AGBL4: variants seen among roughly 807,000 people sequenced by gnomAD.
The protein encoded by AGBL4 is AGBL carboxypeptidase 4.
In AGBL4, 58 loss-of-function variants were observed where a neutral mutation model predicts 66.4. The observed-to-expected ratio is 0.87, with a 90% confidence interval of 0.71 to 1.09. The LOEUF (loss-of-function observed/expected upper bound fraction) is 1.09. Ranked by LOEUF, AGBL4 falls within the 50% of genes least tolerant of loss-of-function variation. The pLI, the probability that AGBL4 is intolerant of heterozygous loss-of-function variation, is 0.00. For synonymous variants in AGBL4, 234 were observed against 222.9 expected, an observed-to-expected ratio of 1.05 and a Z score of -0.44; for missense variants, 579 against 631.0, an observed-to-expected ratio of 0.92 and a Z score of 0.88.
At chr1:49,136,357 T>C (rs1646011124) in intron 4 of AGBL4, among the ~76,000 whole-genome samples, 1 of 152,196 alleles carries the variant, frequency 6.6e-6, no homozygotes, top group African/African-American at 2.4e-5. Flanking sequence ...ACAAGGAATG[T>C]GTTCAAGAGA....
chr1:49,516,929 G>A (rs1649874506), intron 3 of AGBL4, among the ~76,000 whole-genome samples: 1 of 151,968 alleles, frequency 6.6e-6, no homozygotes, highest in African/African-American at 2.4e-5. Context: ...GCTCAAGCTT[G>A]TTTCATATAA....
intron 6 of AGBL4, among the ~76,000 whole-genome samples, chr1:48,733,991 A>G (rs1280925430): frequency 6.6e-5 from 10 of 152,122 alleles, no homozygotes; most frequent in Admixed American, 2.6e-4. Context: ...GGCACCCAGG[A>G]CCTCCTGAGT....
At chr1:49,797,888 T>C (rs971287904) in intron 2 of AGBL4, among the ~76,000 whole-genome samples, 5 of 152,070 alleles carry the variant, frequency 3.3e-5, no homozygotes, top group African/African-American at 1.2e-4. Context: ...CTCAGCCTCC[T>C]GAATAGCTGG....
rs552881203 is a variant in AGBL4 at position 49,306,931 on chromosome 1, G to A, written c.283-61067C>T. Among the ~76,000 whole-genome samples the A allele has an allele frequency of 2.8e-3, 424 of 152,212 alleles. 2 individuals carry two copies. The highest frequency in any genetic ancestry group is 4.1e-3 in the Non-Finnish European group (281 of 67,998). ...TGCCCATTTCAGATGAGAAAGTGGA[G>A]GCTAAGAAAGTTTAGATCACTTGCA... On this transcript the variant is annotated intron_variant, in intron 3 of 13. Transcript: ENST00000371839.
intron 3 of AGBL4, among the ~76,000 whole-genome samples, chr1:49,637,216 A>G (rs1311441209): frequency 6.6e-6 from 1 of 152,180 alleles, no homozygotes; most frequent in Non-Finnish European, 1.5e-5. Context: ...TCTCCTTTAA[A>G]TATATATGTC....
chr1:49,525,200 T>A (rs1650562846), intron 3 of AGBL4, among the ~76,000 whole-genome samples: 1 of 152,074 alleles, frequency 6.6e-6, no homozygotes, highest in Admixed American at 6.5e-5. Context: ...CTGGAGTTTA[T>A]ATTGTATTGG....
In AGBL4 at chr1:49,080,091, T is replaced by C. The variant is rs533489747; in HGVS notation, c.378-34291A>G. Among the ~76,000 whole-genome samples the C allele has an allele frequency of 8.5e-5, 13 of 152,346 alleles. No homozygotes were observed. In the South Asian group the frequency reaches 2.7e-3, roughly 32 times the overall value. On this transcript the variant is annotated intron_variant, in intron 4 of 13. Coordinates refer to ENST00000371839, the MANE Select transcript of AGBL4 (RefSeq NM_032785.4). ...CCCCAATTAAAGTCTAGAGAGATGATAGGACTTGCCTAAATCTTAATTTGA... is the reference window on the plus strand; with the variant it reads ...CCCCAATTAAAGTCTAGAGAGATGACAGGACTTGCCTAAATCTTAATTTGA...
At chr1:49,331,482 G>C (rs1169292377) in intron 3 of AGBL4, among the ~76,000 whole-genome samples, 1 of 152,106 alleles carries the variant, frequency 6.6e-6, no homozygotes, top group Non-Finnish European at 1.5e-5. Context: ...AGTCCAAATA[G>C]TACAGAAGAA....
intron 2 of AGBL4, among the ~76,000 whole-genome samples, chr1:49,753,938 T>G (rs537851099): frequency 6.6e-6 from 1 of 152,352 alleles, no homozygotes; most frequent in South Asian, 2.1e-4. Flanking sequence ...TATGTTCTTC[T>G]CTAAACTGGT....
chr1:49,783,654 C>A (rs958028801), intron 2 of AGBL4, among the ~76,000 whole-genome samples: 5 of 151,610 alleles, frequency 3.3e-5, no homozygotes, highest in African/African-American at 9.7e-5. Context: ...CTAACCAGGG[C>A]AAATAGGCAA....
intron 3 of AGBL4, among the ~76,000 whole-genome samples, chr1:49,393,424 C>A (rs1399224235): frequency 1.3e-5 from 2 of 152,076 alleles, no homozygotes; most frequent in Non-Finnish European, 2.9e-5. Context: ...ATTGTTATGT[C>A]ACCAATATTT....
chr1:49,810,850 A>G (rs1645084335), intron 2 of AGBL4, among the ~76,000 whole-genome samples: 1 of 152,168 alleles, frequency 6.6e-6, no homozygotes, highest in Non-Finnish European at 1.5e-5. Flanking sequence ...AAAAACATAT[A>G]CAACATATTG....
chr1:49,549,206 G>A (rs1305683340), intron 3 of AGBL4, among the ~76,000 whole-genome samples: 5 of 149,676 alleles, frequency 3.3e-5, no homozygotes, highest in African/African-American at 1.2e-4. Context: ...CTTGCTAATG[G>A]TCTATCAATT....
chr1:50,011,419 C>T (rs1205613656), intron 1 of AGBL4, among the ~76,000 whole-genome samples: 1 of 152,122 alleles, frequency 6.6e-6, no homozygotes, highest in African/African-American at 2.4e-5. Flanking sequence ...AGGGAACCCT[C>T]GTATACTGCT....
At chr1:49,193,614 G>A (rs1406870090) in intron 4 of AGBL4, among the ~76,000 whole-genome samples, 5 of 151,324 alleles carry the variant, frequency 3.3e-5, no homozygotes, top group Non-Finnish European at 7.4e-5. Context: ...TGCAAGCTCC[G>A]CCTCTGGGGT....
At chr1:49,204,413 C>T (rs1042408781) in intron 4 of AGBL4, among the ~76,000 whole-genome samples, 8 of 151,408 alleles carry the variant, frequency 5.3e-5, no homozygotes, top group South Asian at 4.2e-4. Flanking sequence ...TGGGACTATA[C>T]ACATGCAGCA....
intron 6 of AGBL4, chr1:48,761,564 T>C (rs1016757467): frequency 2.3e-5 from 30 of 1,313,674 alleles, no homozygotes; most frequent in East Asian, 1.0e-4. Flanking sequence ...TAGAAAATAA[T>C]TGAGGCCAGA....
intron 3 of AGBL4, among the ~76,000 whole-genome samples, chr1:49,265,888 G>A (rs537634944): frequency 1.4e-4 from 21 of 152,080 alleles, no homozygotes; most frequent in Non-Finnish European, 2.9e-4. Context: ...AGGATATAGA[G>A]AGACAGATCA....
intron 4 of AGBL4, among the ~76,000 whole-genome samples, chr1:49,078,075 G>A (rs1324657235): frequency 6.6e-6 from 1 of 152,172 alleles, no homozygotes; most frequent in East Asian, 1.9e-4. Context: ...AAATCCTGAT[G>A]TGTCTGACTC....
Sources: allele counts gnomAD v4.1 joint callset (sites outside exome capture counted in the v4.1 genomes callset), GRCh38; gene constraint gnomAD v4.1.1; transcripts MANE v1.5; gene names NCBI Gene and HGNC (gene_info 2026-07-23, HGNC 2026-07-21).